TSPAN11: variants seen among roughly 807,000 people sequenced by gnomAD.
The protein encoded by TSPAN11 is tetraspanin-11.
In TSPAN11, 29 loss-of-function variants were observed where a neutral mutation model predicts 32.9. That is an observed-to-expected ratio of 0.88 (90% CI 0.66 to 1.20). The LOEUF (loss-of-function observed/expected upper bound fraction) is 1.20, where lower values mean the gene tolerates loss of function less well. TSPAN11 is among the 50% of genes most tolerant of loss of function. The pLI is 0.00. For missense variants in TSPAN11, 283 were observed against 329.1 expected (o/e 0.86, Z 1.08); for synonymous variants, 140 against 141.3 (o/e 0.99, Z 0.07).
chr12:30,995,899 C>A lies in TSPAN11; in HGVS notation c.*3984C>A, dbSNP rs1939407143. ...TGCAGCTGCTGGCCCTGGAACCACA[C>A]TTTGAGAACCACTGCTTTAGACCAA... On this transcript the variant is annotated 3_prime_UTR_variant, in exon 8 of 8. Coordinates refer to ENST00000546076, the MANE Select transcript of TSPAN11 (RefSeq NM_001370302.1). The A allele has an allele frequency of 6.6e-6, 1 of 152,314 alleles. No individual in the cohort carries two copies. The highest frequency in any genetic ancestry group is 1.5e-5 in the Non-Finnish European group (1 of 68,130). 9.4% of individuals were successfully genotyped at this position (152,314 alleles called of 1,614,324 possible).
chr12:30,927,173 C>T (rs1327792038), intron 1 of TSPAN11, among the ~76,000 whole-genome samples: 1 of 152,248 alleles, frequency 6.6e-6, no homozygotes, highest in Admixed American at 6.5e-5. Context: ...TCTTTGTCCA[C>T]CCTGAATTCG....
the TSPAN11 span, chr12:31,005,974 G>A: frequency 6.5e-6 from 1 of 153,060 alleles, no homozygotes; most frequent in Non-Finnish European, 1.5e-5. Context: ...CACTGGTGTG[G>A]TGGGAAAATG....
intron 3 of TSPAN11, among the ~76,000 whole-genome samples, chr12:30,971,665 G>A (rs538906074): frequency 3.9e-5 from 6 of 152,132 alleles, no homozygotes; most frequent in African/African-American, 1.2e-4. Context: ...TGGGAGGATC[G>A]CTTGAGCCCA....
At chr12:30,927,492 G>T (rs1247932645) in intron 1 of TSPAN11, among the ~76,000 whole-genome samples, 6 of 152,136 alleles carry the variant, frequency 3.9e-5, no homozygotes, top group African/African-American at 1.4e-4. Flanking sequence ...GGCTTGGCGG[G>T]ACAGCATCTT....
chr12:30,934,401 C>T (rs1014749098), intron 1 of TSPAN11, among the ~76,000 whole-genome samples: 3 of 152,186 alleles, frequency 2.0e-5, no homozygotes, highest in Admixed American at 6.5e-5. Flanking sequence ...TCCATTCTCA[C>T]GCTGCTGATA....
downstream of TSPAN11, among the ~76,000 whole-genome samples, chr12:30,999,513 CA>C (rs1180814144): frequency 6.6e-6 from 1 of 152,126 alleles, no homozygotes; most frequent in Non-Finnish European, 1.5e-5. Flanking sequence ...TCATCTAACA[CA>C]AAGCCTATTT....
intron 7 of TSPAN11, among the ~76,000 whole-genome samples, chr12:30,990,137 C>CGTGT (rs10692114): frequency 0.11 from 16,320 of 151,728 alleles, 1,708 homozygotes; most frequent in African/African-American, 0.27. Context: ...GTGGTGTTCA[C>CGTGT]GTGTGTGTGT....
In TSPAN11 at chr12:30,975,137, G is replaced by A. The variant is rs998887543; in HGVS notation, c.277-3424G>A. ...TTTCAGCTTTGCACACAGAGCCAGCGTGTGCCGCAGGGGCCCTGAGATGAT... is the reference window on the plus strand; with the variant it reads ...TTTCAGCTTTGCACACAGAGCCAGCATGTGCCGCAGGGGCCCTGAGATGAT... On this transcript the variant is annotated intron_variant, in intron 3 of 7. Transcript: ENST00000546076. The surrounding 1 kb of genome is among the most constrained non-coding windows in gnomAD (Gnocchi z 4.5). Among the ~76,000 whole-genome samples, 5 of 152,208 alleles carry A rather than the reference G, an allele frequency of 3.3e-5. No homozygotes were observed. Among genetic ancestry groups the A allele is most frequent in the Admixed American group, 1.3e-4 (2 of 15,288 alleles).
chr12:30,998,063 A>G (rs569781012), downstream of TSPAN11, among the ~76,000 whole-genome samples: 3 of 152,320 alleles, frequency 2.0e-5, no homozygotes, highest in African/African-American at 7.2e-5. Flanking sequence ...CACTGGAGTG[A>G]GTTGCCTGCT....
chr12:30,930,517 C>G (rs1937898863), intron 1 of TSPAN11, among the ~76,000 whole-genome samples: 1 of 152,186 alleles, frequency 6.6e-6, no homozygotes, highest in Non-Finnish European at 1.5e-5. Flanking sequence ...GCCCCTTCCT[C>G]TCCGTGTGAC....
At chr12:30,936,405 G>A (rs10771782) in intron 1 of TSPAN11, among the ~76,000 whole-genome samples, 111,534 of 152,164 alleles carry the variant, frequency 0.73, 41,377 homozygotes, top group East Asian at 0.89. Flanking sequence ...TGTGTGCCAC[G>A]TAGTGAGGCC....
downstream of TSPAN11, among the ~76,000 whole-genome samples, chr12:31,001,183 A>C (rs1939474522): frequency 6.6e-6 from 1 of 152,126 alleles, no homozygotes; most frequent in African/African-American, 2.4e-5. Context: ...ACTTCAATGA[A>C]GCTCCTTGAC....
chr12:30,983,413 G>T (rs753654453), intron 7 of TSPAN11, among the ~76,000 whole-genome samples: 1 of 152,162 alleles, frequency 6.6e-6, no homozygotes, highest in Non-Finnish European at 1.5e-5. Flanking sequence ...TGTGAGTGTG[G>T]GCTCAGGTAT....
chr12:30,957,737 C>T lies in TSPAN11; in HGVS notation c.84+3662C>T, dbSNP rs71440923. 3.6e-3 allele frequency among the ~76,000 whole-genome samples: 155 copies of T among 43,342 alleles called. 1 individual carries two copies. The highest frequency in any genetic ancestry group is 9.5e-3 in the East Asian group (8 of 846). 28.4% of individuals were successfully genotyped at this position (43,342 alleles called of 152,430 possible). A position where few individuals can be genotyped will look rare whatever the true frequency, so the allele number is the denominator to read the frequency against. ...CTTCCTTCCTTCCTTCCCTCCTTCCCTCCCTCCCTCCCTCCTTCCTTCCTT... is the reference window on the plus strand; with the variant it reads ...CTTCCTTCCTTCCTTCCCTCCTTCCTTCCCTCCCTCCCTCCTTCCTTCCTT... On this transcript the variant is annotated intron_variant, in intron 2 of 7. Transcript: ENST00000546076.
chr12:30,989,688 A>T (rs184563658), intron 7 of TSPAN11, among the ~76,000 whole-genome samples: 66 of 152,336 alleles, frequency 4.3e-4, no homozygotes, highest in African/African-American at 1.5e-3. Context: ...GAACATGGAA[A>T]ACACAAGACA....
the TSPAN11 span, among the ~76,000 whole-genome samples, chr12:31,003,430 C>T: frequency 1.4e-4 from 21 of 152,276 alleles, no homozygotes; most frequent in Admixed American, 3.3e-4. Context: ...GCTCTGCAAA[C>T]GGACAGATGA....
chr12:30,954,314 A>G, intron 2 of TSPAN11: 2 of 552,590 alleles, frequency 3.6e-6, no homozygotes, highest in East Asian at 3.2e-5. Flanking sequence ...GAATAGAGGC[A>G]CAAACATAAC....
intron 2 of TSPAN11, among the ~76,000 whole-genome samples, chr12:30,962,868 C>G (rs74705724): frequency 0.02 from 3,053 of 152,270 alleles, 54 homozygotes; most frequent in East Asian, 0.079. Context: ...GGGCAAACAC[C>G]CACATACTCC....
intron 3 of TSPAN11, among the ~76,000 whole-genome samples, chr12:30,974,019 G>A (rs1350666879): frequency 6.6e-6 from 1 of 152,158 alleles, no homozygotes; most frequent in Non-Finnish European, 1.5e-5. Flanking sequence ...CCAGCCCCGG[G>A]GTCCCATGGG....
Sources: allele counts gnomAD v4.1 joint callset (sites outside exome capture counted in the v4.1 genomes callset), GRCh38; gene constraint gnomAD v4.1.1; non-coding constraint Gnocchi (gnomAD v3.1); transcripts MANE v1.5; gene names NCBI Gene and HGNC (gene_info 2026-07-23, HGNC 2026-07-21).